The following PDLIM4 variants were observed in gnomAD, a reference collection of about 807,000 sequenced individuals.
PDLIM4 encodes the protein PDZ and LIM domain 4.
A neutral mutation model predicts 31.3 loss-of-function variants in PDLIM4; 19 were observed. That is an observed-to-expected ratio of 0.61 (90% CI 0.42 to 0.89). The LOEUF is 0.89. PDLIM4 is among the 40% of genes least tolerant of loss of function. The pLI is 0.00. For synonymous variants in PDLIM4, 176 were observed against 190.1 expected (o/e 0.93, Z 0.61); for missense variants, 442 against 461.1 (o/e 0.96, Z 0.38).
intron 3 of PDLIM4, among the ~76,000 whole-genome samples, chr5:132,269,215 G>A (rs1397888221): frequency 6.6e-6 from 1 of 151,880 alleles, no homozygotes; most frequent in Non-Finnish European, 1.5e-5. Context: ...ACCGTGGGAG[G>A]GGCAGTGGCT....
In PDLIM4 at chr5:132,272,557, G is replaced by A; in HGVS notation, c.*328G>A. 1.0e-5 allele frequency: 4 copies of A among 391,782 alleles called. No individual in the cohort carries two copies. Among genetic ancestry groups the A allele is most frequent in the East Asian group, 5.7e-5 (1 of 17,666 alleles). 24.3% of individuals were successfully genotyped at this position (391,782 alleles called of 1,614,324 possible). A position where few individuals can be genotyped will look rare whatever the true frequency, so the allele number is the denominator to read the frequency against. On this transcript the variant is annotated 3_prime_UTR_variant, in exon 7 of 7. Coordinates refer to ENST00000253754, the MANE Select transcript of PDLIM4 (RefSeq NM_003687.4). The stretch of plus-strand genomic sequence containing the variant: ...TGAGGTCTGGGATGCTGCGTGCGGC[G>A]CGACGACAGGAGGTATGACCTGGGT...
At chr5:132,263,149 A>G (rs1293259664) in intron 2 of PDLIM4, among the ~76,000 whole-genome samples, 1 of 152,044 alleles carries the variant, frequency 6.6e-6, no homozygotes, top group Non-Finnish European at 1.5e-5. Flanking sequence ...TCATTTACCA[A>G]CTTAAAAAAG....
At chr5:132,269,924 C>T (rs936699595) in intron 3 of PDLIM4, among the ~76,000 whole-genome samples, 5 of 152,172 alleles carry the variant, frequency 3.3e-5, no homozygotes, top group South Asian at 2.1e-4. Flanking sequence ...TGTAACCATG[C>T]GCATGTAGTT....
At chr5:132,259,286 CG>C (rs920313134) in intron 1 of PDLIM4, among the ~76,000 whole-genome samples, 2 of 152,060 alleles carry the variant, frequency 1.3e-5, no homozygotes, top group African/African-American at 4.8e-5. Context: ...GGCTCAGTGG[CG>C]GCGGCTGACG....
chr5:132,265,414 A>G (rs1756470252), intron 2 of PDLIM4, among the ~76,000 whole-genome samples: 3 of 152,158 alleles, frequency 2.0e-5, no homozygotes, highest in Non-Finnish European at 4.4e-5. Flanking sequence ...CCCACTTGGG[A>G]GCCTGGTTGA....
intron 3 of PDLIM4, among the ~76,000 whole-genome samples, chr5:132,268,758 C>G (rs1756544962): frequency 6.6e-6 from 1 of 152,182 alleles, no homozygotes; most frequent in Non-Finnish European, 1.5e-5. Context: ...GAGATGGCAC[C>G]TGCTCATCTG....
In PDLIM4 at chr5:132,262,702, C is replaced by G. The variant is rs779525555; in HGVS notation, c.187C>G (p.Leu63Val). The G allele has an allele frequency of 6.2e-7, 1 of 1,613,716 alleles. No homozygotes were observed. The highest frequency in any genetic ancestry group is 8.5e-7 in the Non-Finnish European group (1 of 1,179,808). Reference sequence around the variant, plus strand: ...TGAGAGCACAGAGCTCATGACACACCTGGAGGCACAGAACCGCATCAAGGG... The same window carrying G: ...TGAGAGCACAGAGCTCATGACACACGTGGAGGCACAGAACCGCATCAAGGG... ...NGESTELMTHLEAQNRIKGCH... is the reference protein window; with the variant it reads ...NGESTELMTHVEAQNRIKGCH... The change falls in exon 2 of 7, where the codon CTG becomes GTG. Residue 63 changes from leucine to valine, a missense_variant. Leu to Val is a conservative substitution (Grantham distance 32). Coordinates refer to ENST00000253754, the MANE Select transcript of PDLIM4 (RefSeq NM_003687.4).
rs1349822511 is a variant in PDLIM4 at position 132,271,453 on chromosome 5, G to A, written c.657G>A (p.Glu219=). ...TCCGCTACTTGCAGGGCATGCTAGA[G>A]GCCGGCGAGGGCGGTAAGACGCCTG... ...GSFRYLQGML[E]AGEGGDWPGP... Residue 219 remains glutamate, a synonymous_variant, in exon 5 of 7, where the codon GAG becomes GAA. Coordinates refer to ENST00000253754, the MANE Select transcript of PDLIM4 (RefSeq NM_003687.4). 1 of 1,608,514 alleles carries A rather than the reference G, an allele frequency of 6.2e-7. No individual in the cohort carries two copies. The highest frequency in any genetic ancestry group is 8.5e-7 in the Non-Finnish European group (1 of 1,179,902).
intron 1 of PDLIM4, among the ~76,000 whole-genome samples, chr5:132,258,776 A>T (rs1478463190): frequency 6.6e-6 from 1 of 152,214 alleles, no homozygotes; most frequent in Non-Finnish European, 1.5e-5. Context: ...AGCAGAGGAG[A>T]TAACCTGAAA....
At position 132,272,387 on chromosome 5, in the gene PDLIM4, A is replaced by G; in HGVS notation, c.*158A>G. ...CAGGCCATGCATGGCTCCCGAGTAC[A>G]GTAGTATCTGCTTAGGTGCCAGGCA... On this transcript the variant is annotated 3_prime_UTR_variant, in exon 7 of 7. Coordinates refer to ENST00000253754, the MANE Select transcript of PDLIM4 (RefSeq NM_003687.4). 1 of 654,642 alleles carries G rather than the reference A, an allele frequency of 1.5e-6. No homozygotes were observed. Among genetic ancestry groups the G allele is most frequent in the South Asian group, 1.8e-5 (1 of 56,610 alleles). The allele number at this position is 654,642 out of a possible 1,614,324, so 40.6% of individuals were successfully genotyped here.
intron 2 of PDLIM4, 141 bp downstream of exon 2, chr5:132,262,901 G>A (rs189667519): frequency 9.1e-6 from 6 of 659,904 alleles, no homozygotes; most frequent in Admixed American, 6.3e-5. Context: ...GTCCCAAGGA[G>A]TAGCACTTTC....
intron 3 of PDLIM4, among the ~76,000 whole-genome samples, chr5:132,270,030 T>C (rs1282373451): frequency 6.6e-6 from 1 of 152,190 alleles, no homozygotes; most frequent in Non-Finnish European, 1.5e-5. Context: ...CATGCCCCTG[T>C]TTACATTGCT....
chr5:132,261,783 G>C (rs919269636), intron 1 of PDLIM4, among the ~76,000 whole-genome samples: 1 of 152,202 alleles, frequency 6.6e-6, no homozygotes, highest in Non-Finnish European at 1.5e-5. Context: ...AGTAGAGGTA[G>C]AATTCTGACC....
intron 1 of PDLIM4, among the ~76,000 whole-genome samples, chr5:132,260,648 A>G (rs1204186286): frequency 6.6e-6 from 1 of 152,198 alleles, no homozygotes; most frequent in East Asian, 1.9e-4. Context: ...TGTTAAGAGC[A>G]TAGTTTTAAA....
intron 3 of PDLIM4, chr5:132,270,597 A>G (rs1275274964): frequency 4.5e-6 from 2 of 440,674 alleles, no homozygotes; most frequent in African/African-American, 2.0e-5. Flanking sequence ...GGCCTGCCCC[A>G]GTACTGTCCC....
In PDLIM4 at chr5:132,272,301, C is replaced by G. The variant is rs894486718; in HGVS notation, c.*72C>G. The stretch of plus-strand genomic sequence containing the variant: ...CGGTGTAAATATGTTTCACCCTGTC[C>G]CTCTAATAAAGCTCCTCTGCTCCAC... On this transcript the variant is annotated 3_prime_UTR_variant, in exon 7 of 7. Coordinates refer to ENST00000253754, the MANE Select transcript of PDLIM4 (RefSeq NM_003687.4). The G allele has an allele frequency of 7.8e-7, 1 of 1,285,174 alleles. No homozygotes were observed. Among genetic ancestry groups the G allele is most frequent in the Non-Finnish European group, 1.1e-6 (1 of 899,380 alleles). 79.6% of individuals were successfully genotyped at this position (1,285,174 alleles called of 1,614,324 possible). A position where few individuals can be genotyped will look rare whatever the true frequency, so the allele number is the denominator to read the frequency against.
At position 132,271,854 on chromosome 5, in the gene PDLIM4, C is replaced by T. The variant is rs942811804; in HGVS notation, c.734C>T (p.Pro245Leu). The change falls in exon 6 of 7, where the codon CCG becomes CTG. Residue 245 changes from proline (P) to leucine (L), a missense_variant. By Grantham distance (98) the Pro-to-Leu change is moderately conservative. Transcript: ENST00000253754. Reference sequence around the variant, plus strand: ...CCCACGGCCAGCAAGCTGGGCGCTCCGCTGAGCGGCCTGCAGGGGCTGCCC... The same window carrying T: ...CCCACGGCCAGCAAGCTGGGCGCTCTGCTGAGCGGCCTGCAGGGGCTGCCC... ...LKPTASKLGA[P>L]LSGLQGLPEC... 5.6e-6 allele frequency: 9 copies of T among 1,611,966 alleles called. No individual in the cohort carries two copies. The highest frequency in any genetic ancestry group is 5.3e-5 in the African/African-American group (4 of 74,922).
In PDLIM4 at chr5:132,271,880, G is replaced by A; in HGVS notation, c.760G>A (p.Glu254Lys). The change falls in exon 6 of 7, where the codon GAG (glutamate) becomes AAG (lysine). Residue 254 changes from glutamate (E) to lysine (K), a missense_variant. Transcript: ENST00000253754. ...GCTGAGCGGCCTGCAGGGGCTGCCC[G>A]AGTGCACGCGCTGCGGCCACGGCAT... ...APLSGLQGLPECTRCGHGIVG... is the reference protein window; with the variant it reads ...APLSGLQGLPKCTRCGHGIVG... 1 of 1,609,446 alleles carries A rather than the reference G, an allele frequency of 6.2e-7. No individual in the cohort carries two copies.
intron 3 of PDLIM4, among the ~76,000 whole-genome samples, chr5:132,266,946 T>C (rs989010938): frequency 2.0e-5 from 3 of 152,198 alleles, no homozygotes; most frequent in African/African-American, 7.2e-5. Flanking sequence ...CCTCAGGCTA[T>C]GGGACACTCC....
Sources: allele counts gnomAD v4.1 joint callset (sites outside exome capture counted in the v4.1 genomes callset), GRCh38; gene constraint gnomAD v4.1.1; transcripts MANE v1.5; gene names NCBI Gene and HGNC (gene_info 2026-07-23, HGNC 2026-07-21).